The following DEFB124 variants were observed in gnomAD, a reference collection of about 807,000 sequenced individuals.
The protein encoded by DEFB124 is beta-defensin 124.
For synonymous variants in DEFB124, 38 were observed against 36.5 expected, an observed-to-expected ratio of 1.04 and a Z score of -0.15; for missense variants, 78 against 83.1, an observed-to-expected ratio of 0.94 and a Z score of 0.24.
chr20:31,470,321 G>C (rs1454759558), intron 2 of DEFB124, among the ~76,000 whole-genome samples: 2 of 141,176 alleles, frequency 1.4e-5, no homozygotes, highest in Non-Finnish European at 3.1e-5. Context: ...CTTCCCAGTA[G>C]GGGCGGCCGG....
chr20:31,465,773 T>G (rs1980068394), intron 2 of DEFB124, 110 bp from the exon 3 acceptor site: 4 of 1,311,540 alleles, frequency 3.0e-6, no homozygotes, highest in Non-Finnish European at 1.1e-6. Context: ...GTTAGCTCTC[T>G]GGTCTTCTGT....
intron 2 of DEFB124, chr20:31,472,643 A>G (rs1416309588): frequency 3.1e-6 from 1 of 325,862 alleles, no homozygotes; most frequent in Non-Finnish European, 5.6e-6. Context: ...ATCTCCACCA[A>G]CTAAAGTGTC....
intron 2 of DEFB124, 99 bp from the exon 3 acceptor site, chr20:31,465,762 A>G (rs1980068042): frequency 7.1e-7 from 1 of 1,412,170 alleles, no homozygotes; most frequent in African/African-American, 1.4e-5. Flanking sequence ...ACTGGTCACA[A>G]GTTAGCTCTC....
intron 2 of DEFB124, among the ~76,000 whole-genome samples, chr20:31,470,606 A>ACC (rs746201611): frequency 3.3e-4 from 8 of 24,354 alleles, no homozygotes; most frequent in Non-Finnish European, 5.9e-4. Flanking sequence ...CGGGGGGCTG[A>ACC]CCCCCCCCCC....
chr20:31,470,885 GCC>G (rs1980259700), intron 2 of DEFB124, among the ~76,000 whole-genome samples: 1 of 72,596 alleles, frequency 1.4e-5, no homozygotes, highest in Non-Finnish European at 2.8e-5. Context: ...GGGGGGCTGA[GCC>G]CCCCACCTCC....
chr20:31,468,881 G>A (rs868266739), intron 2 of DEFB124, among the ~76,000 whole-genome samples: 1 of 152,138 alleles, frequency 6.6e-6, no homozygotes, highest in African/African-American at 2.4e-5. Context: ...GGAGGCCAAA[G>A]CTGGAGGATT....
In DEFB124 at chr20:31,474,864, T is replaced by C. The variant is rs1243357461; in HGVS notation, c.-263A>G. Among the ~76,000 whole-genome samples the C allele has an allele frequency of 6.6e-6, 1 of 152,212 alleles. No individual in the cohort carries two copies. Among genetic ancestry groups the C allele is most frequent in the Non-Finnish European group, 1.5e-5 (1 of 68,030 alleles). On this transcript the variant is annotated 5_prime_UTR_variant, in exon 1 of 3. An upstream start codon of the reference 5' UTR is lost. Transcript: ENST00000317676. ...AAGTGAGGTCAGTGAACCGCCTGCATCAGGATCACTTGGGGCACTTGTTTA... is the reference window on the plus strand; with the variant it reads ...AAGTGAGGTCAGTGAACCGCCTGCACCAGGATCACTTGGGGCACTTGTTTA...
At chr20:31,471,880 G>A (rs1980328490) in intron 2 of DEFB124, among the ~76,000 whole-genome samples, 2 of 151,286 alleles carry the variant, frequency 1.3e-5, no homozygotes, top group Admixed American at 6.6e-5. Context: ...CTTCCTAGAC[G>A]GGATGGCGGC....
chr20:31,473,034 G>C lies in DEFB124; in HGVS notation c.-21C>G. On this transcript the variant is annotated 5_prime_UTR_variant, in exon 2 of 3. Transcript: ENST00000317676. The stretch of plus-strand genomic sequence containing the variant: ...GTCATGGCCACGGGGCTCCTGGGGA[G>C]GCTGCTGGAGAGAGCACAAGAGGAA... 2 of 1,613,274 alleles carry C rather than the reference G, an allele frequency of 1.2e-6. No individual in the cohort carries two copies. The highest frequency in any genetic ancestry group is 1.7e-6 in the Non-Finnish European group (2 of 1,179,812).
At chr20:31,470,906 C>T (rs541184949) in intron 2 of DEFB124, among the ~76,000 whole-genome samples, 351 of 139,988 alleles carry the variant, frequency 2.5e-3, no homozygotes, top group African/African-American at 8.7e-3. Context: ...CCCTCCCGGA[C>T]GGGGTGGCTG....
At chr20:31,470,550 C>T (rs1414880982) in intron 2 of DEFB124, among the ~76,000 whole-genome samples, 3 of 124,646 alleles carry the variant, frequency 2.4e-5, no homozygotes, top group East Asian at 2.6e-4. Context: ...GCTGGCCGGG[C>T]GGGGGGCTGA....
Position 31,465,574 on chromosome 20 carries a change from C to T in DEFB124, c.148G>A (p.Asp50Asn). ...TAGGAGAGACAGCACAGGGACGCATCCGGGCACAGGTGCATGTAAGTTTCT... is the reference window on the plus strand; with the variant it reads ...TAGGAGAGACAGCACAGGGACGCATTCGGGCACAGGTGCATGTAAGTTTCT... ...RQETYMHLCP[D>N]ASLCCLSYAL... The change falls in exon 3 of 3, where the codon GAT becomes AAT. Residue 50 changes from aspartate to asparagine, a missense_variant. Asp to Asn is a conservative substitution (Grantham distance 23, BLOSUM62 1). Coordinates refer to ENST00000317676, the MANE Select transcript of DEFB124 (RefSeq NM_001037500.2). 6.2e-7 allele frequency: 1 copy of T among 1,614,192 alleles called. No individual in the cohort carries two copies. The highest frequency in any genetic ancestry group is 8.5e-7 in the Non-Finnish European group (1 of 1,180,038).
intron 2 of DEFB124, among the ~76,000 whole-genome samples, chr20:31,472,248 C>T (rs570044188): frequency 1.3e-5 from 2 of 152,164 alleles, no homozygotes; most frequent in South Asian, 2.1e-4. Context: ...CAAAAAAGTA[C>T]GAAAACCAGT....
intron 2 of DEFB124, among the ~76,000 whole-genome samples, chr20:31,471,356 G>T (rs1218690885): frequency 0.027 from 71 of 2,668 alleles, no homozygotes; most frequent in African/African-American, 0.031. Flanking sequence ...CTGGCCGGGC[G>T]GGGGCTGACC....
intron 2 of DEFB124, among the ~76,000 whole-genome samples, chr20:31,465,948 G>A (rs1292417630): frequency 1.3e-5 from 2 of 152,164 alleles, no homozygotes; most frequent in African/African-American, 4.8e-5. Context: ...CCTGAGGTCA[G>A]GAGTTTGAGA....
intron 2 of DEFB124, 121 bp downstream of exon 2, chr20:31,472,827 AGTGGTGGG>A (rs1980371121): frequency 8.5e-7 from 1 of 1,182,124 alleles, no homozygotes; most frequent in East Asian, 2.7e-5. Flanking sequence ...CCACCAAGTC[AGTGGTGGG>A]GCCAGAACTT....
At chr20:31,468,526 A>T (rs1294414145) in intron 2 of DEFB124, among the ~76,000 whole-genome samples, 1 of 151,304 alleles carries the variant, frequency 6.6e-6, no homozygotes, top group Non-Finnish European at 1.5e-5. Flanking sequence ...GCCAGGCTGG[A>T]GAGCAGTGGC....
intron 1 of DEFB124, among the ~76,000 whole-genome samples, 23 bp downstream of exon 1, chr20:31,474,604 A>G (rs1044478062): frequency 6.6e-6 from 1 of 151,860 alleles, no homozygotes; most frequent in Non-Finnish European, 1.5e-5. Flanking sequence ...GTCACCAGCA[A>G]TCTCTTTCCT....
chr20:31,474,827 CAG>C lies in DEFB124; in HGVS notation c.-228_-227del, dbSNP rs1399182184. On this transcript the variant is annotated 5_prime_UTR_variant, in exon 1 of 3. Coordinates refer to ENST00000317676, the MANE Select transcript of DEFB124 (RefSeq NM_001037500.2). ...CCCAAAATTAATTCTTCATCCAGAGCAGAGTTTCTTAAAGTGAGGTCAGTGAA... is the reference window on the plus strand; with the variant it reads ...CCCAAAATTAATTCTTCATCCAGAGCAGTTTCTTAAAGTGAGGTCAGTGAA... 6.6e-6 allele frequency among the ~76,000 whole-genome samples: 1 copy of C among 152,204 alleles called. No individual in the cohort carries two copies. Among genetic ancestry groups the C allele is most frequent in the Admixed American group, 6.5e-5 (1 of 15,276 alleles).
Sources: allele counts gnomAD v4.1 joint callset (sites outside exome capture counted in the v4.1 genomes callset), GRCh38; gene constraint gnomAD v4.1.1; transcripts MANE v1.5; gene names NCBI Gene and HGNC (gene_info 2026-07-23, HGNC 2026-07-21).